THSD7B: variants seen among roughly 807,000 people sequenced by gnomAD.
The protein encoded by THSD7B is thrombospondin type 1 domain containing 7B.
Under a neutral mutation model 213.6 loss-of-function variants are expected in THSD7B, and 138 were observed. The ratio of observed to expected loss-of-function variants is 0.65; its 90% confidence interval spans 0.56 to 0.74. The LOEUF (loss-of-function observed/expected upper bound fraction) is 0.74, where lower values mean the gene tolerates loss of function less well. THSD7B is among the 30% of genes least tolerant of loss of function. THSD7B has a pLI of 0.00. For missense variants in THSD7B, 1,931 were observed against 1,991.5 expected (o/e 0.97, Z 0.58); for synonymous variants, 742 against 687.0 (o/e 1.08, Z -1.25).
chr2:136,885,620 G>A (rs10194354), intron 2 of THSD7B, among the ~76,000 whole-genome samples: 37,150 of 152,018 alleles, frequency 0.24, 5,558 homozygotes, highest in East Asian at 0.65. Context: ...TTGTGGAGAT[G>A]AACAGATTAT....
At chr2:137,037,700 C>T (rs1573781439) in intron 2 of THSD7B, among the ~76,000 whole-genome samples, 1 of 152,168 alleles carries the variant, frequency 6.6e-6, no homozygotes, top group East Asian at 1.9e-4. Context: ...GGCTAAAGTA[C>T]TTTCTGCATG....
rs149729337 is a variant in THSD7B at position 137,354,968 on chromosome 2, G to A, written c.2501-50645G>A. Reference sequence around the variant, plus strand: ...AAATAACTGTTAAATAAAAAGAATAGCAAGGGACTGCTGCAGTCTAGCATA... The same window carrying A: ...AAATAACTGTTAAATAAAAAGAATAACAAGGGACTGCTGCAGTCTAGCATA... On this transcript the variant is annotated intron_variant, in intron 12 of 27. Transcript: ENST00000409968. 3.6e-3 allele frequency among the ~76,000 whole-genome samples: 555 copies of A among 152,158 alleles called. 8 individuals are homozygous for A. The highest frequency in any genetic ancestry group is 0.013 in the African/African-American group (536 of 41,552).
chr2:137,396,142 G>GT (rs1331911029), intron 12 of THSD7B, among the ~76,000 whole-genome samples: 1 of 145,706 alleles, frequency 6.9e-6, no homozygotes, highest in East Asian at 2.0e-4. Flanking sequence ...TTTTTGAAGG[G>GT]TTTTTTGTGT....
intron 2 of THSD7B, among the ~76,000 whole-genome samples, chr2:136,890,344 TTC>T (rs1191246351): frequency 0.039 from 178 of 4,528 alleles, 40 homozygotes; most frequent in African/African-American, 0.099. Flanking sequence ...CTTCTTCTTC[TTC>T]TTCTTCTTCT....
At chr2:137,434,912 G>A (rs759821788) in intron 14 of THSD7B, among the ~76,000 whole-genome samples, 9 of 152,078 alleles carry the variant, frequency 5.9e-5, no homozygotes, top group Non-Finnish European at 1.2e-4. Context: ...CCATTAAGAT[G>A]TACTTAATCG....
chr2:137,249,312 C>T (rs1024844677), intron 10 of THSD7B, among the ~76,000 whole-genome samples: 1 of 151,694 alleles, frequency 6.6e-6, no homozygotes, highest in Non-Finnish European at 1.5e-5. Flanking sequence ...AAGAAGTTAT[C>T]AGATTTGGTT....
At chr2:136,935,471 G>C (rs1295227199) in intron 2 of THSD7B, among the ~76,000 whole-genome samples, 1 of 152,084 alleles carries the variant, frequency 6.6e-6, no homozygotes, top group Non-Finnish European at 1.5e-5. Context: ...ATGATGTAGG[G>C]AATAAAACTG....
At chr2:137,385,986 A>G (rs1007841162) in intron 12 of THSD7B, among the ~76,000 whole-genome samples, 1 of 152,210 alleles carries the variant, frequency 6.6e-6, no homozygotes, top group Non-Finnish European at 1.5e-5. Flanking sequence ...ATGTAGTGTC[A>G]TTAAATTAGA....
intron 3 of THSD7B, among the ~76,000 whole-genome samples, chr2:137,070,881 A>G (rs1256097580): frequency 6.6e-6 from 1 of 152,176 alleles, no homozygotes; most frequent in Non-Finnish European, 1.5e-5. Flanking sequence ...GTCCCTACAA[A>G]GGACATGAAG....
intron 7 of THSD7B, among the ~76,000 whole-genome samples, chr2:137,219,675 G>T (rs1681323283): frequency 6.6e-6 from 1 of 152,116 alleles, no homozygotes; most frequent in African/African-American, 2.4e-5. Context: ...AAAAGCAAAA[G>T]ATTGCTTATG....
chr2:137,241,780 G>A (rs1292648637), intron 9 of THSD7B, among the ~76,000 whole-genome samples: 1 of 152,016 alleles, frequency 6.6e-6, no homozygotes, highest in African/African-American at 2.4e-5. Context: ...GCATGATGGT[G>A]CACCTGTAAT....
intron 15 of THSD7B, among the ~76,000 whole-genome samples, chr2:137,493,756 GCTC>G (rs1679489277): frequency 6.6e-6 from 1 of 152,030 alleles, no homozygotes; most frequent in Non-Finnish European, 1.5e-5. Context: ...GTTATCCCCT[GCTC>G]CTATTTTCTT....
At chr2:137,642,405 C>T in intron 20 of THSD7B, 83 bp from the exon 21 acceptor site, 5 of 1,504,112 alleles carry the variant, frequency 3.3e-6, no homozygotes, top group Non-Finnish European at 4.5e-6. Flanking sequence ...TGAAGACTTA[C>T]ATGTATAAGG....
intron 2 of THSD7B, among the ~76,000 whole-genome samples, chr2:136,964,873 C>T (rs1183165376): frequency 3.9e-5 from 6 of 151,906 alleles, no homozygotes; most frequent in South Asian, 2.1e-4. Context: ...CGGTGGCACA[C>T]GCCTGTAGTT....
intron 15 of THSD7B, among the ~76,000 whole-genome samples, chr2:137,538,060 A>G (rs569721643): frequency 2.0e-5 from 3 of 151,844 alleles, no homozygotes; most frequent in East Asian, 3.9e-4. Context: ...TCTGGTCTAT[A>G]TGTCCTGTAT....
At chr2:136,898,729 G>GCCTC (rs1684010549) in intron 2 of THSD7B, among the ~76,000 whole-genome samples, 1 of 147,860 alleles carries the variant, frequency 6.8e-6, no homozygotes, top group Non-Finnish European at 1.5e-5. Flanking sequence ...TGCAACCTCC[G>GCCTC]CCTCCCAGGT....
intron 10 of THSD7B, among the ~76,000 whole-genome samples, chr2:137,246,713 C>T (rs1339316113): frequency 6.6e-6 from 1 of 151,990 alleles, no homozygotes; most frequent in Non-Finnish European, 1.5e-5. Context: ...TGGCCTAATT[C>T]TTCAGTCCCT....
intron 15 of THSD7B, among the ~76,000 whole-genome samples, chr2:137,478,560 A>T (rs1316733634): frequency 6.6e-6 from 1 of 151,948 alleles, no homozygotes; most frequent in East Asian, 1.9e-4. Context: ...TTTTTCAAAA[A>T]TTTCATATTT....
chr2:137,118,012 T>A (rs924111086), intron 5 of THSD7B, among the ~76,000 whole-genome samples: 1 of 152,188 alleles, frequency 6.6e-6, no homozygotes, highest in Admixed American at 6.5e-5. Flanking sequence ...GATACTGTTG[T>A]TCATTGTTCA....
Sources: allele counts gnomAD v4.1 joint callset (sites outside exome capture counted in the v4.1 genomes callset), GRCh38; gene constraint gnomAD v4.1.1; transcripts MANE v1.5; gene names NCBI Gene and HGNC (gene_info 2026-07-23, HGNC 2026-07-21).